The following NELL1 variants were observed in gnomAD, a reference collection of about 807,000 sequenced individuals.
NELL1 encodes neural EGFL like 1.
NELL1 carries 76 observed loss-of-function variants against 107.4 expected under a neutral mutation model. The observed-to-expected ratio is 0.71, with a 90% CI of 0.59 to 0.86. NELL1 has a LOEUF of 0.86. Among genes scored for constraint, NELL1 ranks in the 40% least tolerant of loss-of-function variants. The pLI is 0.00. For missense variants in NELL1, 1,024 were observed against 1,005.5 expected (o/e 1.02, Z -0.25); for synonymous variants, 353 against 341.2 (o/e 1.03, Z -0.38).
rs34327396 is a variant in NELL1 at position 20,921,796 on chromosome 11, G to GTTT, written c.759+2463_759+2464insTTT. The stretch of plus-strand genomic sequence containing the variant: ...GAGCAAGGTCTCTTTTTTATTGTGT[G>GTTT]TGTTTTTTTTTTTTTTTTAAGAACA... On this transcript the variant is annotated intron_variant, in intron 7 of 19. Transcript: ENST00000357134. Among the ~76,000 whole-genome samples, 1,023 of 137,148 alleles carry GTTT rather than the reference G, an allele frequency of 7.5e-3. 16 individuals are homozygous for GTTT. Among genetic ancestry groups the GTTT allele is most frequent in the African/African-American group, 0.016 (548 of 33,992 alleles). The allele number at this position is 137,148 out of a possible 152,430, so 90.0% of individuals were successfully genotyped here. A position where few individuals can be genotyped will look rare whatever the true frequency, so the allele number is the denominator to read the frequency against.
intron 15 of NELL1, among the ~76,000 whole-genome samples, chr11:21,477,914 TATA>T (rs1854389173): frequency 2.4e-5 from 1 of 41,986 alleles, no homozygotes; most frequent in Non-Finnish European, 4.4e-5. Flanking sequence ...TATAAGAAAT[TATA>T]ATAAAAAGAA....
At chr11:20,715,199 C>G (rs1207347673) in intron 2 of NELL1, among the ~76,000 whole-genome samples, 2 of 151,594 alleles carry the variant, frequency 1.3e-5, no homozygotes, top group Non-Finnish European at 2.9e-5. Context: ...GAGTTGACAT[C>G]GCGCCATTGC....
chr11:21,088,615 C>A (rs1383950471), intron 12 of NELL1, among the ~76,000 whole-genome samples: 1 of 152,152 alleles, frequency 6.6e-6, no homozygotes, highest in African/African-American at 2.4e-5. Flanking sequence ...TGCATGTAAT[C>A]TTATGCTGCC....
At chr11:21,419,698 A>G (rs1482954072) in intron 15 of NELL1, among the ~76,000 whole-genome samples, 1 of 152,186 alleles carries the variant, frequency 6.6e-6, no homozygotes, top group Non-Finnish European at 1.5e-5. Flanking sequence ...GAGAAAAGCC[A>G]TCAGCTGTCA....
chr11:20,960,527 A>C lies in NELL1; in HGVS notation c.1267A>C (p.Ile423Leu), dbSNP rs903980236. The C allele has an allele frequency of 1.2e-6, 2 of 1,613,890 alleles. No homozygotes were observed. The highest frequency in any genetic ancestry group is 1.7e-6 in the Non-Finnish European group (2 of 1,179,902). Reference protein sequence around the residue: ...KATCECKSGYISVQGDSAYCE... With the variant: ...KATCECKSGYLSVQGDSAYCE... The stretch of plus-strand genomic sequence containing the variant: ...TACTTGTGAGTGCAAGAGTGGTTAC[A>C]TCTCTGTCCAGGGAGACTCTGCCTA... The change falls in exon 12 of 20, where the codon ATC becomes CTC. Residue 423 changes from isoleucine to leucine, a missense_variant. Physicochemically the swap from Ile to Leu is conservative, Grantham distance 5 (BLOSUM62 2). Coordinates refer to ENST00000357134, the MANE Select transcript of NELL1 (RefSeq NM_006157.5).
At chr11:21,450,227 CAGAA>C (rs1324143040) in intron 15 of NELL1, among the ~76,000 whole-genome samples, 1 of 152,142 alleles carries the variant, frequency 6.6e-6, no homozygotes, top group African/African-American at 2.4e-5. Flanking sequence ...TAGCAAAACT[CAGAA>C]AGAACTGAGC....
intron 7 of NELL1, among the ~76,000 whole-genome samples, chr11:20,924,340 T>C (rs541505648): frequency 6.6e-6 from 1 of 152,200 alleles, no homozygotes; most frequent in Non-Finnish European, 1.5e-5. Context: ...TGTGTCTATT[T>C]GGTGTGCTCT....
intron 14 of NELL1, among the ~76,000 whole-genome samples, chr11:21,348,367 T>A (rs985509295): frequency 5.9e-5 from 9 of 152,178 alleles, no homozygotes; most frequent in African/African-American, 2.2e-4. Context: ...CCGGACCCTG[T>A]GCTGAGCTCT....
chr11:20,684,649 T>A (rs1391581731), intron 2 of NELL1, among the ~76,000 whole-genome samples: 1 of 152,172 alleles, frequency 6.6e-6, no homozygotes, highest in Non-Finnish European at 1.5e-5. Context: ...CCAGTCATTG[T>A]GAATTTTACC....
At chr11:20,881,582 A>C (rs1485852983) in intron 4 of NELL1, among the ~76,000 whole-genome samples, 1 of 152,250 alleles carries the variant, frequency 6.6e-6, no homozygotes, top group Non-Finnish European at 1.5e-5. Context: ...CAATGTCGGC[A>C]CACATTAAGT....
chr11:21,408,055 G>T (rs1358266450), intron 15 of NELL1, among the ~76,000 whole-genome samples: 1 of 151,836 alleles, frequency 6.6e-6, no homozygotes, highest in Non-Finnish European at 1.5e-5. Context: ...TAGAGGGGTG[G>T]CAAGTGCTTG....
chr11:20,968,356 A>AAGG (rs1851427104), intron 12 of NELL1, among the ~76,000 whole-genome samples: 1 of 151,276 alleles, frequency 6.6e-6, no homozygotes, highest in Non-Finnish European at 1.5e-5. Flanking sequence ...TTAAAGAAAG[A>AAGG]AAGGAAGGAA....
intron 2 of NELL1, among the ~76,000 whole-genome samples, chr11:20,679,381 A>G (rs961412632): frequency 1.3e-5 from 2 of 152,208 alleles, no homozygotes; most frequent in African/African-American, 4.8e-5. Flanking sequence ...TTTTATGATG[A>G]TAACAAAAGG....
chr11:20,736,336 C>T (rs1382778238), intron 2 of NELL1, among the ~76,000 whole-genome samples: 2 of 152,098 alleles, frequency 1.3e-5, no homozygotes, highest in African/African-American at 2.4e-5. Flanking sequence ...CTCCTCTTGC[C>T]CCAGCAGCCA....
intron 14 of NELL1, among the ~76,000 whole-genome samples, chr11:21,335,239 T>C (rs577358493): frequency 1.3e-5 from 2 of 152,200 alleles, no homozygotes; most frequent in African/African-American, 4.8e-5. Context: ...AGATATTTCC[T>C]ATAGATATTT....
intron 15 of NELL1, among the ~76,000 whole-genome samples, chr11:21,485,853 G>T (rs2133907060): frequency 6.6e-6 from 1 of 152,140 alleles, no homozygotes; most frequent in South Asian, 2.1e-4. Flanking sequence ...CCTGCAGATT[G>T]CCCAGCCCAA....
At chr11:21,513,305 T>C (rs1277178009) in intron 15 of NELL1, among the ~76,000 whole-genome samples, 2 of 151,842 alleles carry the variant, frequency 1.3e-5, no homozygotes, top group African/African-American at 2.4e-5. Flanking sequence ...TCTTCTCTTA[T>C]AAGTGTGTTT....
intron 14 of NELL1, among the ~76,000 whole-genome samples, chr11:21,322,260 A>G (rs1850028277): frequency 6.6e-6 from 1 of 152,142 alleles, no homozygotes; most frequent in Non-Finnish European, 1.5e-5. Flanking sequence ...GCCCCTTGTC[A>G]TTTGGGGAAT....
At chr11:20,895,390 A>G (rs1849711060) in intron 5 of NELL1, among the ~76,000 whole-genome samples, 2 of 139,984 alleles carry the variant, frequency 1.4e-5, no homozygotes, top group Non-Finnish European at 3.0e-5. Context: ...CATGTACCCC[A>G]TTCACCCTTC....
Sources: gnomAD v4.1 joint callset for allele counts (sites outside exome capture counted in the v4.1 genomes callset) on GRCh38, gnomAD v4.1.1 for gene constraint, MANE v1.5 for transcripts, NCBI Gene and HGNC (gene_info 2026-07-23, HGNC 2026-07-21) for gene names.